CSGALNACT1: variants seen among roughly 807,000 people sequenced by gnomAD.
CSGALNACT1 encodes beta4GalNAcT-1.
Under a neutral mutation model 51.0 loss-of-function variants are expected in CSGALNACT1, and 52 were observed. That is an observed-to-expected ratio of 1.02 (90% CI 0.82 to 1.29). The LOEUF is 1.29. CSGALNACT1 is among the 50% of genes most tolerant of loss of function. CSGALNACT1 has a pLI of 0.00. For missense variants in CSGALNACT1, 935 were observed against 679.2 expected, an observed-to-expected ratio of 1.38 and a Z score of -4.19; for synonymous variants, 341 against 254.4, an observed-to-expected ratio of 1.34 and a Z score of -3.24.
chr8:19,600,201 T>C (rs945354552), intron 2 of CSGALNACT1, among the ~76,000 whole-genome samples: 1 of 152,106 alleles, frequency 6.6e-6, no homozygotes, highest in African/African-American at 2.4e-5. Context: ...TTCTGCCTCA[T>C]CTTCCCTAGT....
chr8:19,528,835 A>C (rs1222861709), intron 3 of CSGALNACT1, among the ~76,000 whole-genome samples: 2 of 152,178 alleles, frequency 1.3e-5, no homozygotes, highest in Admixed American at 6.5e-5. Flanking sequence ...CAGATGTAGA[A>C]AATAAAGATA....
At chr8:19,414,397 T>G (rs2056471745) in intron 8 of CSGALNACT1, among the ~76,000 whole-genome samples, 1 of 152,234 alleles carries the variant, frequency 6.6e-6, no homozygotes, top group Non-Finnish European at 1.5e-5. Flanking sequence ...GTGAAACGTC[T>G]AAAGTTAATG....
intron 1 of CSGALNACT1, among the ~76,000 whole-genome samples, chr8:19,641,424 G>C (rs1233298205): frequency 6.6e-6 from 1 of 152,102 alleles, no homozygotes; most frequent in African/African-American, 2.4e-5. Flanking sequence ...GCAGCAGGGC[G>C]AACCTGGGAG....
At chr8:19,517,010 T>A (rs2079662860) in intron 3 of CSGALNACT1, among the ~76,000 whole-genome samples, 1 of 152,210 alleles carries the variant, frequency 6.6e-6, no homozygotes, top group African/African-American at 2.4e-5. Context: ...TGGTTTTTAG[T>A]TGAGATGCCT....
intron 1 of CSGALNACT1, among the ~76,000 whole-genome samples, chr8:19,720,235 G>GC (rs745738320): frequency 5.9e-5 from 9 of 152,186 alleles, no homozygotes; most frequent in Non-Finnish European, 1.2e-4. Context: ...ATTACAGGCA[G>GC]CCAAAGTCAA....
At chr8:19,744,408 T>G (rs2064515711) in intron 1 of CSGALNACT1, among the ~76,000 whole-genome samples, 1 of 152,190 alleles carries the variant, frequency 6.6e-6, no homozygotes, top group African/African-American at 2.4e-5. Flanking sequence ...TCTTAACCAC[T>G]TTTGCTGATG....
chr8:19,659,131 A>T (rs111331633), intron 1 of CSGALNACT1, among the ~76,000 whole-genome samples: 2 of 152,002 alleles, frequency 1.3e-5, no homozygotes, highest in Non-Finnish European at 2.9e-5. Context: ...TTGACATTTT[A>T]AAGTTTGATG....
chr8:19,544,008 T>C (rs895877891), intron 3 of CSGALNACT1, among the ~76,000 whole-genome samples: 4 of 152,210 alleles, frequency 2.6e-5, no homozygotes, highest in Admixed American at 6.5e-5. Flanking sequence ...ACACTTGTTC[T>C]TCCCTCACGA....
At chr8:19,656,558 C>A (rs546755474) in intron 1 of CSGALNACT1, among the ~76,000 whole-genome samples, 1 of 150,822 alleles carries the variant, frequency 6.6e-6, no homozygotes, top group Admixed American at 6.6e-5. Context: ...CGCATGCACA[C>A]ACACACAGTG....
chr8:19,624,170 C>G (rs1409377938), intron 1 of CSGALNACT1, among the ~76,000 whole-genome samples: 1 of 152,204 alleles, frequency 6.6e-6, no homozygotes, highest in African/African-American at 2.4e-5. Context: ...TGTAGCCCCT[C>G]TGAGATTATC....
At chr8:19,685,634 A>T (rs1437960614), upstream of CSGALNACT1, among the ~76,000 whole-genome samples, 1 of 152,200 alleles carries the variant, frequency 6.6e-6, no homozygotes, top group Non-Finnish European at 1.5e-5. Flanking sequence ...CCTTAATATG[A>T]TTTTGAGAGC....
intron 1 of CSGALNACT1, among the ~76,000 whole-genome samples, chr8:19,728,070 C>A (rs1354188307): frequency 6.6e-6 from 1 of 152,092 alleles, no homozygotes; most frequent in South Asian, 2.1e-4. Context: ...CACTCAGGGA[C>A]CAGGCTGCCA....
exon 10 of CSGALNACT1, chr8:19,404,368 C>T (rs754253829): frequency 4.2e-5 from 19 of 453,824 alleles, no homozygotes; most frequent in South Asian, 2.8e-4. Flanking sequence ...TTAGCTCATG[C>T]ATCTGGTGCT....
intron 1 of CSGALNACT1, among the ~76,000 whole-genome samples, chr8:19,630,639 C>A (rs770938951): frequency 6.6e-6 from 1 of 152,166 alleles, no homozygotes; most frequent in African/African-American, 2.4e-5. Flanking sequence ...TATTTTATCC[C>A]TCCCCCACAA....
At chr8:19,423,788 T>G (rs2058331774) in intron 6 of CSGALNACT1, among the ~76,000 whole-genome samples, 1 of 152,192 alleles carries the variant, frequency 6.6e-6, no homozygotes, top group Non-Finnish European at 1.5e-5. Context: ...TTTCTCTTCA[T>G]GCAACCTTTC....
intron 5 of CSGALNACT1, among the ~76,000 whole-genome samples, chr8:19,450,924 A>C (rs895911848): frequency 6.6e-6 from 1 of 152,106 alleles, no homozygotes; most frequent in Non-Finnish European, 1.5e-5. Context: ...CTTCAAAAAA[A>C]AATAAAAAAT....
intron 1 of CSGALNACT1, among the ~76,000 whole-genome samples, chr8:19,626,717 C>T (rs59041532): frequency 0.016 from 2,437 of 152,232 alleles, 58 homozygotes; most frequent in African/African-American, 0.056. Context: ...AAATAACTTG[C>T]TAAACTAAAT....
chr8:19,477,153 C>T (rs142792376), intron 4 of CSGALNACT1, among the ~76,000 whole-genome samples: 120 of 152,312 alleles, frequency 7.9e-4, no homozygotes, highest in African/African-American at 2.8e-3. Context: ...GCTATGCTGT[C>T]CATCAAGAGC....
At chr8:19,555,658 C>G (rs1033838902) in intron 3 of CSGALNACT1, among the ~76,000 whole-genome samples, 2 of 152,178 alleles carry the variant, frequency 1.3e-5, no homozygotes, top group South Asian at 4.1e-4. Context: ...GTTTATTGCT[C>G]CCAACTATAC....
Sources: gnomAD v4.1 joint callset for allele counts (sites outside exome capture counted in the v4.1 genomes callset) on GRCh38, gnomAD v4.1.1 for gene constraint, MANE v1.5 for transcripts, NCBI Gene and HGNC (gene_info 2026-07-23, HGNC 2026-07-21) for gene names.